DCC: variants seen among roughly 807,000 people sequenced by gnomAD.
DCC encodes DCC netrin 1 receptor, also known as netrin receptor DCC.
DCC carries 58 observed loss-of-function variants against 172.5 expected under a neutral mutation model. That is an observed-to-expected ratio of 0.34 (90% CI 0.27 to 0.42). The LOEUF is 0.42. Ranked by LOEUF, DCC falls within the 10% of genes least tolerant of loss-of-function variation. The pLI, the probability that DCC is intolerant of heterozygous loss-of-function variation, is 1.00. For missense variants in DCC, 1,740 were observed against 1,791.0 expected (o/e 0.97, Z 0.51); for synonymous variants, 709 against 644.5 (o/e 1.10, Z -1.52).
chr18:52,561,802 A>G (rs1053900749), intron 1 of DCC, among the ~76,000 whole-genome samples: 51 of 152,124 alleles, frequency 3.4e-4, no homozygotes, highest in African/African-American at 1.2e-3. Context: ...GAAAAATGCT[A>G]TACGCCCATT....
chr18:52,868,543 G>T (rs960525140), intron 2 of DCC, among the ~76,000 whole-genome samples: 1 of 152,198 alleles, frequency 6.6e-6, no homozygotes, highest in African/African-American at 2.4e-5. Context: ...AGCACAGGGT[G>T]GCTGTCTTTG....
At chr18:53,074,823 A>G (rs546019587) in intron 7 of DCC, among the ~76,000 whole-genome samples, 5 of 152,264 alleles carry the variant, frequency 3.3e-5, no homozygotes, top group African/African-American at 1.2e-4. Flanking sequence ...AGATTTAAAA[A>G]TGTATTGGAA....
chr18:53,041,320 T>C (rs2042166058), intron 5 of DCC, among the ~76,000 whole-genome samples: 1 of 152,026 alleles, frequency 6.6e-6, no homozygotes, highest in Non-Finnish European at 1.5e-5. Flanking sequence ...GATCAGATGG[T>C]TGTAGATGTG....
chr18:52,517,762 G>A (rs895632401), intron 1 of DCC, among the ~76,000 whole-genome samples: 3 of 152,034 alleles, frequency 2.0e-5, no homozygotes, highest in Non-Finnish European at 4.4e-5. Context: ...TTCTAATTCT[G>A]TTCCATGGAG....
chr18:52,454,784 A>C (rs1988410032), intron 1 of DCC, among the ~76,000 whole-genome samples: 1 of 152,208 alleles, frequency 6.6e-6, no homozygotes, highest in Admixed American at 6.5e-5. Flanking sequence ...AACATTTGTA[A>C]GGACTTTGAC....
chr18:52,766,322 T>C (rs908414433), intron 2 of DCC, among the ~76,000 whole-genome samples: 2 of 152,214 alleles, frequency 1.3e-5, no homozygotes, highest in African/African-American at 2.4e-5. Context: ...CTTTCAGCTC[T>C]GCCATCTGCA....
chr18:53,248,672 G>GT (rs1233196652), intron 12 of DCC, among the ~76,000 whole-genome samples: 3 of 152,088 alleles, frequency 2.0e-5, no homozygotes, highest in Admixed American at 2.0e-4. Context: ...TAAACACTTT[G>GT]TTTTTTAATG....
At chr18:52,356,878 G>A (rs1005893764) in intron 1 of DCC, among the ~76,000 whole-genome samples, 3 of 152,072 alleles carry the variant, frequency 2.0e-5, no homozygotes, top group Admixed American at 6.5e-5. Context: ...CACCTCCTGG[G>A]TTCAAGCAAT....
intron 5 of DCC, among the ~76,000 whole-genome samples, chr18:52,968,381 A>C (rs2040969275): frequency 6.6e-6 from 1 of 152,152 alleles, no homozygotes; most frequent in Non-Finnish European, 1.5e-5. Flanking sequence ...GTGACAAGAC[A>C]TACAGACAGG....
chr18:53,024,421 A>G (rs905737314), intron 5 of DCC, among the ~76,000 whole-genome samples: 4 of 152,084 alleles, frequency 2.6e-5, no homozygotes, highest in African/African-American at 9.7e-5. Context: ...TTGATTTGTG[A>G]GGTTACTGTA....
At chr18:53,063,168 G>A in intron 5 of DCC, 137 bp from the exon 6 acceptor site, 1 of 892,678 alleles carries the variant, frequency 1.1e-6, no homozygotes, top group Non-Finnish European at 1.9e-6. Context: ...TGTATAATAA[G>A]CTAAGAGCTT....
At chr18:52,521,911 G>A (rs1317604719) in intron 1 of DCC, among the ~76,000 whole-genome samples, 2 of 152,054 alleles carry the variant, frequency 1.3e-5, no homozygotes, top group Non-Finnish European at 2.9e-5. Context: ...ATAAATATTT[G>A]TTGGAAGGAT....
intron 7 of DCC, among the ~76,000 whole-genome samples, chr18:53,118,037 C>G (rs574506718): frequency 6.6e-6 from 1 of 151,714 alleles, no homozygotes; most frequent in Non-Finnish European, 1.5e-5. Flanking sequence ...GGTCATCTGA[C>G]GTCATCATAA....
chr18:53,504,754 G>T (rs2144492022), intron 27 of DCC, among the ~76,000 whole-genome samples: 1 of 152,288 alleles, frequency 6.6e-6, no homozygotes, highest in East Asian at 1.9e-4. Flanking sequence ...TAATTGCCCA[G>T]AGGAGAGAGA....
intron 1 of DCC, among the ~76,000 whole-genome samples, chr18:52,431,688 A>G (rs1987629991): frequency 6.6e-6 from 1 of 152,172 alleles, no homozygotes; most frequent in South Asian, 2.1e-4. Context: ...GAAGGGTCGT[A>G]GCTCCACTCA....
chr18:52,713,640 T>C (rs1468913777), intron 1 of DCC, among the ~76,000 whole-genome samples: 1 of 152,186 alleles, frequency 6.6e-6, no homozygotes, highest in African/African-American at 2.4e-5. Context: ...TGATCATTTT[T>C]ATTGTGTTCA....
chr18:52,918,358 A>G (rs548715508), intron 3 of DCC, among the ~76,000 whole-genome samples: 1 of 152,290 alleles, frequency 6.6e-6, no homozygotes, highest in African/African-American at 2.4e-5. Flanking sequence ...ATTAAAATCA[A>G]TTTAGTCAAC....
intron 1 of DCC, among the ~76,000 whole-genome samples, chr18:52,544,925 A>T (rs2032570832): frequency 6.6e-6 from 1 of 152,206 alleles, no homozygotes; most frequent in Non-Finnish European, 1.5e-5. Flanking sequence ...TATTGAGAGA[A>T]ATACTGCACT....
intron 5 of DCC, among the ~76,000 whole-genome samples, chr18:52,969,586 T>C (rs868537121): frequency 1.9e-5 from 1 of 51,558 alleles, no homozygotes; most frequent in South Asian, 7.3e-4. Context: ...CGCCCCCCAC[T>C]CTCTCTCTCT....
Sources: gnomAD v4.1 joint callset for allele counts (sites outside exome capture counted in the v4.1 genomes callset) on GRCh38, gnomAD v4.1.1 for gene constraint, MANE v1.5 for transcripts, NCBI Gene and HGNC (gene_info 2026-07-23, HGNC 2026-07-21) for gene names.